Variants in PKHD1L1 observed in about 807,000 individuals in gnomAD.
PKHD1L1 encodes fibrocystin-L.
A neutral mutation model predicts 462.9 loss-of-function variants in PKHD1L1; 434 were observed. That is an observed-to-expected ratio of 0.94 (90% CI 0.87 to 1.02). The LOEUF (loss-of-function observed/expected upper bound fraction) is 1.02, where lower values mean the gene tolerates loss of function less well. Among genes scored for constraint, PKHD1L1 ranks in the 50% least tolerant of loss-of-function variants. The pLI, the probability that PKHD1L1 is intolerant of heterozygous loss-of-function variation, is 0.00. For synonymous variants in PKHD1L1, 1,781 were observed against 1,750.0 expected, an observed-to-expected ratio of 1.02 and a Z score of -0.44; for missense variants, 5,202 against 5,096.1, an observed-to-expected ratio of 1.02 and a Z score of -0.63.
rs1036004392 is a variant in PKHD1L1, at chr8:109,362,767, G to T, written c.73+114G>T. ...ACCTGGCACCTGGCTGAGGCTGTGG[G>T]TGCGGTTGCATGACGATCCTGGGGA... On this transcript the variant is annotated intron_variant, in intron 1 of 77. Coordinates refer to ENST00000378402, the MANE Select transcript of PKHD1L1 (RefSeq NM_177531.6). 4 of 1,201,154 alleles carry T rather than the reference G, an allele frequency of 3.3e-6. No individual in the cohort carries two copies. In the South Asian group the frequency reaches 5.2e-5, roughly 16 times the overall value. The allele number at this position is 1,201,154 out of a possible 1,614,324, so 74.4% of individuals were successfully genotyped here.
intron 77 of PKHD1L1, among the ~76,000 whole-genome samples, chr8:109,527,694 A>G (rs1820888779): frequency 6.6e-6 from 1 of 152,054 alleles, no homozygotes; most frequent in Non-Finnish European, 1.5e-5. Context: ...GACTCAGATG[A>G]TATCTTCTAG....
At chr8:109,517,489 G>C (rs1157558040) in intron 72 of PKHD1L1, among the ~76,000 whole-genome samples, 1 of 152,014 alleles carries the variant, frequency 6.6e-6, no homozygotes, top group Non-Finnish European at 1.5e-5. Context: ...GGGTTTGTTA[G>C]CTCTTAGAAA....
In PKHD1L1 at chr8:109,452,701, C is replaced by G; in HGVS notation, c.6508-17C>G. ...GTAAAATCCCTAAATTTTAAGGTCT[C>G]TTATGTTCTATTACAGGATAATGCT... On this transcript the variant is annotated splice_polypyrimidine_tract_variant and intron_variant, in intron 42 of 77. Transcript: ENST00000378402. The G allele has an allele frequency of 3.4e-6, 5 of 1,456,822 alleles. No homozygotes were observed. Among genetic ancestry groups the G allele is most frequent in the South Asian group, 1.6e-5 (1 of 61,714 alleles). The allele number at this position is 1,456,822 out of a possible 1,614,324, so 90.2% of individuals were successfully genotyped here. A position where few individuals can be genotyped will look rare whatever the true frequency, so the allele number is the denominator to read the frequency against.
At chr8:109,499,407 C>T (rs1246751539) in intron 67 of PKHD1L1, 1 of 152,210 alleles carries the variant, frequency 6.6e-6, no homozygotes, top group East Asian at 1.9e-4. Context: ...TAAGTTTTAA[C>T]ATATTCTTTC....
rs1821024088 is a variant in PKHD1L1, at chr8:109,530,825, T to C, written c.*735T>C. ...GCAGGACTCCCCTCAACCCCGGGCATGAGTTGAGGGTTGAGGGGTTCCCTT... is the reference window on the plus strand; with the variant it reads ...GCAGGACTCCCCTCAACCCCGGGCACGAGTTGAGGGTTGAGGGGTTCCCTT... On this transcript the variant is annotated 3_prime_UTR_variant, in exon 78 of 78. Transcript: ENST00000378402. Among the ~76,000 whole-genome samples, 1 of 152,100 alleles carries C rather than the reference T, an allele frequency of 6.6e-6. No homozygotes were observed. Among genetic ancestry groups the C allele is most frequent in the African/African-American group, 2.4e-5 (1 of 41,404 alleles).
intron 46 of PKHD1L1, among the ~76,000 whole-genome samples, chr8:109,457,205 A>G (rs1816874052): frequency 6.6e-6 from 1 of 152,182 alleles, no homozygotes; most frequent in South Asian, 2.1e-4. Context: ...TACAACTTAA[A>G]TTTAAAATTC....
At chr8:109,425,275 A>ACG in intron 24 of PKHD1L1, 43 bp downstream of exon 24, 1 of 1,475,502 alleles carries the variant, frequency 6.8e-7, no homozygotes, top group African/African-American at 1.4e-5. Context: ...ACGCACACAC[A>ACG]TATGTATAAC....
In PKHD1L1 at chr8:109,522,756, C is replaced by A. The variant is rs781410855; in HGVS notation, c.12196C>A (p.Pro4066Thr). The A allele has an allele frequency of 1.9e-6, 3 of 1,609,164 alleles. No individual in the cohort carries two copies. In the East Asian group the frequency reaches 6.7e-5, roughly 36 times the overall value. Residue 4066 changes from proline (P) to threonine (T), a missense_variant, in exon 75 of 78, where the codon CCA becomes ACA. This residue lies in a region of PKHD1L1 where 698 missense variants were observed against 736.3 expected (regional missense o/e 0.95). Coordinates refer to ENST00000378402, the MANE Select transcript of PKHD1L1 (RefSeq NM_177531.6). ...TGTGCATTCACAGGTGACTGCCCAG[C>A]CAGTTGAAAGGTCTGCATTTCCTGT... is the stretch of plus-strand genomic sequence containing the variant. ...DSGWIKVTAQ[P>T]VERSAFPVHH...
chr8:109,418,328 G>T (rs1056238682), intron 21 of PKHD1L1, among the ~76,000 whole-genome samples: 1 of 152,136 alleles, frequency 6.6e-6, no homozygotes, highest in Non-Finnish European at 1.5e-5. Flanking sequence ...TGATGAGCTA[G>T]AGGTGGATCC....
rs1458860664 is a variant in PKHD1L1 at position 109,481,549 on chromosome 8, G to C, written c.9444G>C (p.Gly3148=). The C allele has an allele frequency of 6.3e-7, 1 of 1,592,260 alleles. No homozygotes were observed. The highest frequency in any genetic ancestry group is 1.7e-5 in the Admixed American group (1 of 57,202). The change falls in exon 56 of 78, where the codon GGG becomes GGC. Residue 3148 remains glycine, a synonymous_variant. Transcript: ENST00000378402. ...DWALPEGPNQ[G]AKVLGVFGEL... Reference sequence around the variant, plus strand: ...CTCTTCCAGAAGGACCAAATCAAGGGGCAAAGGTCTTAGGTGTGTGTCTAC... The same window carrying C: ...CTCTTCCAGAAGGACCAAATCAAGGCGCAAAGGTCTTAGGTGTGTGTCTAC...
Position 109,491,055 on chromosome 8 carries a change from T to G in PKHD1L1, c.10068T>G (p.Asp3356Glu). The G allele has an allele frequency of 6.2e-7, 1 of 1,610,056 alleles. No individual in the cohort carries two copies. The highest frequency in any genetic ancestry group is 1.1e-5 in the South Asian group (1 of 90,864). ...CAGCAATTGGTGTATTTGGGACAGA[T>G]GGATTGGACATAGATGACAACATCA... Reference protein sequence around the residue: ...FSPAIGVFGTDGLDIDDNIIH... With the variant: ...FSPAIGVFGTEGLDIDDNIIH... Residue 3356 changes from aspartate (D) to glutamate (E), a missense_variant, in exon 61 of 78, where the codon GAT (aspartate) becomes GAG (glutamate). This residue lies in a region of PKHD1L1 where 4,497 missense variants were observed against 4,336.8 expected (regional missense o/e 1.04). Transcript: ENST00000378402.
chr8:109,435,101 A>C, intron 28 of PKHD1L1, 89 bp from the exon 29 acceptor site: 3 of 1,324,444 alleles, frequency 2.3e-6, no homozygotes, highest in Non-Finnish European at 3.2e-6. Flanking sequence ...CTAAAAATGA[A>C]GGCCAATGTT....
chr8:109,385,007 T>C (rs1027713794), intron 5 of PKHD1L1, among the ~76,000 whole-genome samples: 6 of 152,090 alleles, frequency 3.9e-5, no homozygotes, highest in Admixed American at 1.3e-4. Flanking sequence ...TTTTAAAACA[T>C]GTTAATGATT....
chr8:109,485,208 A>C, intron 58 of PKHD1L1, 35 bp downstream of exon 58: 1 of 1,456,858 alleles, frequency 6.9e-7, no homozygotes, highest in African/African-American at 1.4e-5. Context: ...TAGATATATA[A>C]TTGTGTTGAA....
intron 59 of PKHD1L1, among the ~76,000 whole-genome samples, chr8:109,487,606 G>A (rs1344089944): frequency 1.3e-5 from 2 of 151,790 alleles, no homozygotes; most frequent in African/African-American, 4.8e-5. Flanking sequence ...ATTCTGTGGA[G>A]TTTCCAACAG....
intron 21 of PKHD1L1, among the ~76,000 whole-genome samples, chr8:109,416,086 T>A (rs542939004): frequency 6.6e-6 from 1 of 152,244 alleles, no homozygotes; most frequent in East Asian, 1.9e-4. Context: ...ATCTCTTTAG[T>A]CATGAGGTAG....
At chr8:109,379,395 T>C (rs1451412196) in intron 2 of PKHD1L1, among the ~76,000 whole-genome samples, 1 of 152,216 alleles carries the variant, frequency 6.6e-6, no homozygotes, top group African/African-American at 2.4e-5. Context: ...AAATGTATTT[T>C]ATAGTGAAAA....
At chr8:109,471,350 G>A (rs1029860689) in intron 50 of PKHD1L1, among the ~76,000 whole-genome samples, 2 of 152,104 alleles carry the variant, frequency 1.3e-5, no homozygotes, top group Non-Finnish European at 2.9e-5. Context: ...ATAATGCAAC[G>A]CAGGAGGAGA....
At chr8:109,404,253 T>TCC (rs1813413431) in intron 14 of PKHD1L1, among the ~76,000 whole-genome samples, 1 of 152,296 alleles carries the variant, frequency 6.6e-6, no homozygotes, top group Non-Finnish European at 1.5e-5. Context: ...CAGGGTTATT[T>TCC]TTCAAGATGT....
Sources: gnomAD v4.1 joint callset for allele counts (sites outside exome capture counted in the v4.1 genomes callset) on GRCh38, gnomAD v4.1.1 for gene constraint, gnomAD v4.1.1 regional missense constraint, MANE v1.5 for transcripts, NCBI Gene and HGNC (gene_info 2026-07-23, HGNC 2026-07-21) for gene names.